FAM72C: variants seen among roughly 807,000 people sequenced by gnomAD.
FAM72C encodes RUMY family member 3.
In FAM72C, 1 loss-of-function variant was observed where a neutral mutation model predicts 5.2. The ratio of observed to expected loss-of-function variants is 0.19; its 90% confidence interval spans 0.07 to 0.91. The LOEUF (loss-of-function observed/expected upper bound fraction) is 0.91, where lower values mean the gene tolerates loss of function less well. Ranked by LOEUF, FAM72C falls within the 40% of genes least tolerant of loss-of-function variation. FAM72C has a pLI of 0.66. For synonymous variants in FAM72C, 1 was observed against 21.8 expected (o/e 0.05, Z 2.66); for missense variants, 4 against 66.0 (o/e 0.06, Z 3.25).
chr1:143,962,311 G>C lies in FAM72C; in HGVS notation c.355+2544C>G, dbSNP rs868980616. Among the ~76,000 whole-genome samples, 4 of 142,414 alleles carry C rather than the reference G, an allele frequency of 2.8e-5. No individual in the cohort carries two copies. The Admixed American group carries it at 2.8e-4, about 10-fold the overall frequency. The allele number at this position is 142,414 out of a possible 152,430, so 93.4% of individuals were successfully genotyped here. A position where few individuals can be genotyped will look rare whatever the true frequency, so the allele number is the denominator to read the frequency against. Reference sequence around the variant, plus strand: ...TTACAGGCGTGAGCCACCGCGCCCGGCCTCTTATTCCTTTTTTTTTTTCAG... The same window carrying C: ...TTACAGGCGTGAGCCACCGCGCCCGCCCTCTTATTCCTTTTTTTTTTTCAG... On this transcript the variant is annotated intron_variant, in intron 3 of 3. Transcript: ENST00000584486.
At chr1:143,967,348 C>T (rs1392376806) in intron 2 of FAM72C, among the ~76,000 whole-genome samples, 8 of 144,368 alleles carry the variant, frequency 5.5e-5, no homozygotes, top group Admixed American at 3.5e-4. Flanking sequence ...CATGGTGGTG[C>T]GTGCCTGTAG....
Position 143,965,674 on chromosome 1 carries a change from C to T in FAM72C, c.231-695G>A, listed in dbSNP as rs1160004099. Among the ~76,000 whole-genome samples, 2 of 79,682 alleles carry T rather than the reference C, an allele frequency of 2.5e-5. 1 individual carries two copies. Among genetic ancestry groups the T allele is most frequent in the Non-Finnish European group, 5.2e-5 (2 of 38,220 alleles). The allele number at this position is 79,682 out of a possible 152,430, so 52.3% of individuals were successfully genotyped here. On this transcript the variant is annotated intron_variant, in intron 2 of 3. Coordinates refer to ENST00000584486, the MANE Select transcript of FAM72C (RefSeq NM_001287385.2). The stretch of plus-strand genomic sequence containing the variant: ...AGGACTGTGGCAAGTTGGGTTCTTA[C>T]ATGTTCTAGTTTCATGCCAGCACCT...
rs1413903897 is a variant in FAM72C, at chr1:143,967,063, G to A, written c.230+1861C>T. On this transcript the variant is annotated intron_variant, in intron 2 of 3. Transcript: ENST00000584486. The stretch of plus-strand genomic sequence containing the variant: ...AAAAAAAATGTCGTTGCCCAGGTGC[G>A]GTGGCTCACACCTGTAATCTCACAC... Among the ~76,000 whole-genome samples the A allele has an allele frequency of 4.9e-5, 7 of 143,554 alleles. No individual in the cohort carries two copies. In the South Asian group the frequency reaches 9.2e-4, roughly 19 times the overall value. The allele number at this position is 143,554 out of a possible 152,430, so 94.2% of individuals were successfully genotyped here.
intron 3 of FAM72C, among the ~76,000 whole-genome samples, chr1:143,963,777 G>A (rs1661700356): frequency 7.2e-6 from 1 of 138,258 alleles, no homozygotes; most frequent in Non-Finnish European, 1.6e-5. Flanking sequence ...ATGACTTGCT[G>A]AAGGTTCAGA....
intron 3 of FAM72C, among the ~76,000 whole-genome samples, chr1:143,960,050 G>A (rs1553517708): frequency 8.1e-6 from 1 of 122,744 alleles, no homozygotes; most frequent in Non-Finnish European, 1.8e-5. Flanking sequence ...GAGAACATGT[G>A]TCTTATAACA....
rs1421512615 is a variant in FAM72C at position 143,959,247 on chromosome 1, T to C, written c.356-2766A>G. Among the ~76,000 whole-genome samples, 539 of 136,138 alleles carry C rather than the reference T, an allele frequency of 4.0e-3. 9 individuals carry two copies. Among genetic ancestry groups the C allele is most frequent in the African/African-American group, 0.014 (495 of 34,554 alleles). The allele number at this position is 136,138 out of a possible 152,430, so 89.3% of individuals were successfully genotyped here. A position where few individuals can be genotyped will look rare whatever the true frequency, so the allele number is the denominator to read the frequency against. The stretch of plus-strand genomic sequence containing the variant: ...ACCAATATTAAAAAGTAAATCAAAC[T>C]TGAAAAATCTCCACCCTGTGTTTTG... On this transcript the variant is annotated intron_variant, in intron 3 of 3. Coordinates refer to ENST00000584486, the MANE Select transcript of FAM72C (RefSeq NM_001287385.2).
chr1:143,965,964 G>A (rs1422208638), intron 2 of FAM72C, among the ~76,000 whole-genome samples: 6,351 of 102,632 alleles, frequency 0.062, 20 homozygotes, highest in African/African-American at 0.21. Flanking sequence ...TACAGGGAAT[G>A]TTTTAGCTAG....
In FAM72C at chr1:143,955,373, G is replaced by GA. The variant is rs1402037892; in HGVS notation, c.*1013dup. Reference sequence around the variant, plus strand: ...ATTAAAGGAAGAATGGTCATTTTTAGAAAAAACTTTATTTACAAAACCACA... The same window carrying GA: ...ATTAAAGGAAGAATGGTCATTTTTAGAAAAAAACTTTATTTACAAAACCACA... On this transcript the variant is annotated 3_prime_UTR_variant, in exon 4 of 4. Coordinates refer to ENST00000584486, the MANE Select transcript of FAM72C (RefSeq NM_001287385.2). 7.2e-6 allele frequency: 1 copy of GA among 139,812 alleles called. No homozygotes were observed. The highest frequency in any genetic ancestry group is 1.6e-5 in the Non-Finnish European group (1 of 64,274). The allele number at this position is 139,812 out of a possible 1,614,324, so 8.7% of individuals were successfully genotyped here. A position where few individuals can be genotyped will look rare whatever the true frequency, so the allele number is the denominator to read the frequency against.
At position 143,960,643 on chromosome 1, in the gene FAM72C, C is replaced by A. The variant is rs1160136342; in HGVS notation, c.356-4162G>T. Among the ~76,000 whole-genome samples, 9 of 130,938 alleles carry A rather than the reference C, an allele frequency of 6.9e-5. 1 individual carries two copies. Among genetic ancestry groups the A allele is most frequent in the Non-Finnish European group, 1.2e-4 (7 of 60,422 alleles). 85.9% of individuals were successfully genotyped at this position (130,938 alleles called of 152,430 possible). On this transcript the variant is annotated intron_variant, in intron 3 of 3. Transcript: ENST00000584486. The stretch of plus-strand genomic sequence containing the variant: ...GGCTGAGGCACGAGAATCGCTTGAA[C>A]CCGGGAGGCAGAGGCTGCCATGAGC...
chr1:143,965,992 C>A (rs1661762488), intron 2 of FAM72C, among the ~76,000 whole-genome samples: 2 of 98,936 alleles, frequency 2.0e-5, no homozygotes, highest in South Asian at 7.9e-4. Context: ...AAAAAAATAG[C>A]AACATGAACT....
intron 2 of FAM72C, among the ~76,000 whole-genome samples, chr1:143,967,046 T>G (rs1331840856): frequency 1.4e-5 from 2 of 139,716 alleles, no homozygotes; most frequent in African/African-American, 2.7e-5. Context: ...ACAAAAAAAA[T>G]GTCGTTGCCC....
Position 143,967,099 on chromosome 1 carries a change from C to T in FAM72C, c.230+1825G>A, listed in dbSNP as rs1245698783. On this transcript the variant is annotated intron_variant, in intron 2 of 3. Transcript: ENST00000584486. Reference sequence around the variant, plus strand: ...CCTGTAATCTCACACTTTGGGAGGCCGAGGCAGGTGGATCACTTGAGGTCA... The same window carrying T: ...CCTGTAATCTCACACTTTGGGAGGCTGAGGCAGGTGGATCACTTGAGGTCA... 1.2e-4 allele frequency among the ~76,000 whole-genome samples: 17 copies of T among 138,804 alleles called. 2 individuals carry two copies. The highest frequency in any genetic ancestry group is 4.3e-4 in the African/African-American group (16 of 37,136). 91.1% of individuals were successfully genotyped at this position (138,804 alleles called of 152,430 possible). A position where few individuals can be genotyped will look rare whatever the true frequency, so the allele number is the denominator to read the frequency against.
Position 143,961,112 on chromosome 1 carries a change from G to GAA in FAM72C, c.355+3742_355+3743insTT, listed in dbSNP as rs1377835122. Among the ~76,000 whole-genome samples the GAA allele has an allele frequency of 7.2e-5, 10 of 138,958 alleles. No individual in the cohort carries two copies. The Admixed American group carries it at 7.3e-4, about 10-fold the overall frequency. 91.2% of individuals were successfully genotyped at this position (138,958 alleles called of 152,430 possible). ...AGTTTATTGTACACCATAGATACTGGGCTTTATATAAATGGAAGGTTTTGG... is the reference window on the plus strand; with the variant it reads ...AGTTTATTGTACACCATAGATACTGGAAGCTTTATATAAATGGAAGGTTTTGG... On this transcript the variant is annotated intron_variant, in intron 3 of 3. Coordinates refer to ENST00000584486, the MANE Select transcript of FAM72C (RefSeq NM_001287385.2).
Position 143,962,169 on chromosome 1 carries a change from C to A in FAM72C, c.355+2686G>T, listed in dbSNP as rs782394092. 4.5e-4 allele frequency among the ~76,000 whole-genome samples: 63 copies of A among 139,214 alleles called. 5 individuals are homozygous for A. The South Asian group carries it at 0.016, about 34-fold the overall frequency. The allele number at this position is 139,214 out of a possible 152,430, so 91.3% of individuals were successfully genotyped here. A position where few individuals can be genotyped will look rare whatever the true frequency, so the allele number is the denominator to read the frequency against. Reference sequence around the variant, plus strand: ...AGCTGGGATTATAGGCATGCGCCACCATGCCCAGCTAATTTTGTATTTTTA... The same window carrying A: ...AGCTGGGATTATAGGCATGCGCCACAATGCCCAGCTAATTTTGTATTTTTA... On this transcript the variant is annotated intron_variant, in intron 3 of 3. Coordinates refer to ENST00000584486, the MANE Select transcript of FAM72C (RefSeq NM_001287385.2).
rs1340302378 is a variant in FAM72C at position 143,967,250 on chromosome 1, G to A, written c.230+1674C>T. On this transcript the variant is annotated intron_variant, in intron 2 of 3. Transcript: ENST00000584486. ...CCTAGCACTTAGGGAGGCCAAGGCA[G>A]GCGGACTGCCTGAGCTCAGGAGTTT... 1.4e-5 allele frequency among the ~76,000 whole-genome samples: 2 copies of A among 145,968 alleles called. 1 individual carries two copies. Among genetic ancestry groups the A allele is most frequent in the Non-Finnish European group, 3.0e-5 (2 of 65,860 alleles).
At chr1:143,966,046 T>C (rs1327511713) in intron 2 of FAM72C, among the ~76,000 whole-genome samples, 3,419 of 90,750 alleles carry the variant, frequency 0.038, 2 homozygotes, top group African/African-American at 0.13. Flanking sequence ...AGCTTAGTCT[T>C]ACTCTGTGAG....
At chr1:143,958,992 G>C (rs1211794365) in intron 3 of FAM72C, among the ~76,000 whole-genome samples, 1 of 130,148 alleles carries the variant, frequency 7.7e-6, no homozygotes, top group Non-Finnish European at 1.7e-5. Flanking sequence ...CACAATATTA[G>C]GGTTACAAAG....
chr1:143,967,216 G>A (rs1168625278), intron 2 of FAM72C, among the ~76,000 whole-genome samples: 4 of 145,740 alleles, frequency 2.7e-5, no homozygotes, highest in East Asian at 2.0e-4. Context: ...GGTGGCTCAC[G>A]CCTGTAATCC....
intron 1 of FAM72C, 116 bp downstream of exon 1, chr1:143,970,872 CTG>C: frequency 2.2e-6 from 1 of 450,090 alleles, no homozygotes; most frequent in East Asian, 4.0e-5. Flanking sequence ...GATCATCAAA[CTG>C]GTGGGAGTGG....
Sources: gnomAD v4.1 joint callset for allele counts (sites outside exome capture counted in the v4.1 genomes callset) on GRCh38, gnomAD v4.1.1 for gene constraint, MANE v1.5 for transcripts, NCBI Gene and HGNC (gene_info 2026-07-23, HGNC 2026-07-21) for gene names.